The following CASP8 variants were observed in gnomAD, a reference collection of about 807,000 sequenced individuals.
The protein encoded by CASP8 is caspase 8.
Under a neutral mutation model 46.3 loss-of-function variants are expected in CASP8, and 24 were observed. The observed-to-expected ratio is 0.52, with a 90% CI of 0.38 to 0.73. The LOEUF is 0.73. CASP8 is among the 30% of genes least tolerant of loss of function. CASP8 has a pLI of 0.00. For missense variants in CASP8, 460 were observed against 559.0 expected (o/e 0.82, Z 1.79); for synonymous variants, 188 against 200.4 (o/e 0.94, Z 0.52).
At chr2:201,235,304 G>A (rs1479036813) in intron 2 of CASP8, among the ~76,000 whole-genome samples, 1 of 152,028 alleles carries the variant, frequency 6.6e-6, no homozygotes. Flanking sequence ...AAATGTGTCT[G>A]CCGTAAGTGG....
chr2:201,275,299 T>C (rs1948563555), intron 6 of CASP8, among the ~76,000 whole-genome samples: 1 of 152,136 alleles, frequency 6.6e-6, no homozygotes, highest in Admixed American at 6.5e-5. Context: ...CTAGCAGGAA[T>C]GGAAAAAGCC....
intron 2 of CASP8, among the ~76,000 whole-genome samples, chr2:201,271,238 GA>G (rs891963861): frequency 6.6e-4 from 93 of 141,012 alleles, no homozygotes; most frequent in Middle Eastern, 3.7e-3. Context: ...CCATTTTACA[GA>G]AAAAAAAAAA....
chr2:201,261,139 T>C (rs1947359988), intron 1 of CASP8, among the ~76,000 whole-genome samples: 3 of 152,190 alleles, frequency 2.0e-5, no homozygotes, highest in African/African-American at 7.2e-5. Context: ...TCGCCTGTCA[T>C]CCCAGCACTT....
rs151119350 is a variant in CASP8 at position 201,241,322 on chromosome 2, G to A, written c.-27+7210G>A. 9.0e-3 allele frequency: 1,370 copies of A among 152,238 alleles called. 17 individuals are homozygous for A. The highest frequency in any genetic ancestry group is 0.031 in the African/African-American group (1,298 of 41,558). The allele number at this position is 152,238 out of a possible 1,614,324, so 9.4% of individuals were successfully genotyped here. ...ATCAACAAATCCCTAGTTAGGCTAAGTAAGAAAGAGAGAAGACTCAAATAA... is the reference window on the plus strand; with the variant it reads ...ATCAACAAATCCCTAGTTAGGCTAAATAAGAAAGAGAGAAGACTCAAATAA... On this transcript the variant is annotated intron_variant, in intron 2 of 6. Transcript: ENST00000264274.
rs1946851970 is a variant in CASP8 at position 201,252,970 on chromosome 2, A to C, written c.-26-13491A>C. On this transcript the variant is annotated intron_variant, in intron 2 of 6. Coordinates refer to the CASP8 transcript ENST00000264274. The stretch of plus-strand genomic sequence containing the variant: ...ATGGAGAAAATATCTGTTTCAGGGA[A>C]TAACCCTCCCAACATCTGATTTTTT... Among the ~76,000 whole-genome samples, 6 of 152,116 alleles carry C rather than the reference A, an allele frequency of 3.9e-5. No individual in the cohort carries two copies. The South Asian group carries it at 1.2e-3, about 31-fold the overall frequency.
chr2:201,280,684 A>G (rs752459439), intron 7 of CASP8, among the ~76,000 whole-genome samples: 3 of 152,238 alleles, frequency 2.0e-5, no homozygotes, highest in African/African-American at 4.8e-5. Context: ...TGGAGGAAAC[A>G]GGGAACCTAC....
Position 201,286,499 on chromosome 2 carries a change from GAAGT to G in CASP8, c.1349_1352del (p.Val450AlafsTer20). On this transcript the variant is annotated frameshift_variant, in exon 9 of 9. Transcript: ENST00000673742. LOFTEE classifies it high-confidence loss of function. ...CACCATCCTGACTGAAGTGAACTAT[GAAGT>G]AAGCAACAAGGATGACAAGAAAAAC... The G allele has an allele frequency of 1.9e-6, 3 of 1,613,078 alleles. No individual in the cohort carries two copies. Among genetic ancestry groups the G allele is most frequent in the Non-Finnish European group, 1.7e-6 (2 of 1,179,028 alleles).
At chr2:201,268,565 AAG>A (rs1339064379) in intron 2 of CASP8, among the ~76,000 whole-genome samples, 3 of 152,154 alleles carry the variant, frequency 2.0e-5, no homozygotes, top group Non-Finnish European at 2.9e-5. Flanking sequence ...AAAAAAAAGA[AAG>A]AGATATTCTG....
chr2:201,245,646 GA>G (rs1444947738), intron 2 of CASP8, among the ~76,000 whole-genome samples: 3 of 152,136 alleles, frequency 2.0e-5, no homozygotes, highest in Non-Finnish European at 4.4e-5. Flanking sequence ...AGACCCAGGG[GA>G]CCACCAGTGT....
At chr2:201,261,073 A>G (rs935834020) in intron 1 of CASP8, among the ~76,000 whole-genome samples, 1 of 152,292 alleles carries the variant, frequency 6.6e-6, no homozygotes, top group African/African-American at 2.4e-5. Context: ...ATGTGGTCCT[A>G]CTAATTCAAT....
At chr2:201,261,304 T>G (rs1947375730) in intron 1 of CASP8, among the ~76,000 whole-genome samples, 1 of 146,646 alleles carries the variant, frequency 6.8e-6, no homozygotes, top group Admixed American at 7.0e-5. Flanking sequence ...GGCAGGAGAA[T>G]CGCTTGAACC....
chr2:201,271,360 A>G (rs1576324443), intron 2 of CASP8, among the ~76,000 whole-genome samples, 156 bp from the exon 3 acceptor site: 1 of 152,266 alleles, frequency 6.6e-6, no homozygotes, highest in African/African-American at 2.4e-5. Context: ...GTGTCACCAC[A>G]CCAGCCTCTT....
chr2:201,235,757 T>A (rs1187477242), intron 2 of CASP8, among the ~76,000 whole-genome samples: 2 of 152,218 alleles, frequency 1.3e-5, no homozygotes, highest in Non-Finnish European at 2.9e-5. Context: ...TATATATTCA[T>A]GTGCCATTTC....
At chr2:201,279,328 A>G (rs1328495408) in intron 7 of CASP8, among the ~76,000 whole-genome samples, 1 of 152,224 alleles carries the variant, frequency 6.6e-6, no homozygotes, top group East Asian at 1.9e-4. Context: ...AAAGGAAGCA[A>G]TGAAGCATTT....
chr2:201,271,393 C>A, intron 2 of CASP8, 123 bp from the exon 3 acceptor site: 1 of 731,750 alleles, frequency 1.4e-6, no homozygotes, highest in East Asian at 2.6e-5. Flanking sequence ...ACTCATAAAC[C>A]ATGCCATTAA....
chr2:201,267,403 C>T (rs1021217859), intron 2 of CASP8, among the ~76,000 whole-genome samples: 6 of 151,860 alleles, frequency 4.0e-5, no homozygotes, highest in African/African-American at 1.5e-4. Context: ...AAGTTCTTTA[C>T]GGAGCTGTAA....
intron 1 of CASP8, among the ~76,000 whole-genome samples, chr2:201,264,537 C>T (rs186163035): frequency 2.6e-5 from 4 of 152,188 alleles, no homozygotes; most frequent in East Asian, 1.9e-4. Flanking sequence ...ACGATTGACA[C>T]GTGCTAGCAG....
chr2:201,243,433 A>G (rs1191485708), intron 2 of CASP8, among the ~76,000 whole-genome samples: 1 of 152,256 alleles, frequency 6.6e-6, no homozygotes, highest in Non-Finnish European at 1.5e-5. Context: ...AGGTGCACAT[A>G]GCCTTGAATC....
At chr2:201,253,011 G>T (rs1455183655) in intron 2 of CASP8, among the ~76,000 whole-genome samples, 1 of 151,836 alleles carries the variant, frequency 6.6e-6, no homozygotes, top group African/African-American at 2.4e-5. Context: ...TTTAGACAGG[G>T]GCTCGCTCCG....
Sources: gnomAD v4.1 joint callset for allele counts (sites outside exome capture counted in the v4.1 genomes callset) on GRCh38, gnomAD v4.1.1 for gene constraint, MANE v1.5 for transcripts, NCBI Gene and HGNC (gene_info 2026-07-23, HGNC 2026-07-21) for gene names.